The following CCAR1 variants were observed in gnomAD, a reference collection of about 807,000 sequenced individuals.
The protein encoded by CCAR1 is cell division cycle and apoptosis regulator protein 1.
In CCAR1, 78 loss-of-function variants were observed where a neutral mutation model predicts 163.8. The observed-to-expected ratio is 0.48, with a 90% CI of 0.40 to 0.57. CCAR1 has a LOEUF of 0.57. Ranked by LOEUF, CCAR1 falls within the 20% of genes least tolerant of loss-of-function variation. CCAR1 has a pLI of 0.00. For synonymous variants in CCAR1, 443 were observed against 460.7 expected (o/e 0.96, Z 0.49); for missense variants, 1,019 against 1,365.2 (o/e 0.75, Z 4.00).
chr10:68,788,327 A>C lies in CCAR1; in HGVS notation c.3186A>C (p.Thr1062=). Residue 1062 remains threonine (T), a splice_region_variant and synonymous_variant, in exon 23 of 25, where the codon ACA becomes ACC. Coordinates refer to ENST00000265872, the MANE Select transcript of CCAR1 (RefSeq NM_018237.4). ...EQKLQLLEEK[T]DEDEKTILNL... is the part of the protein sequence containing the mutation. The stretch of plus-strand genomic sequence containing the variant: ...AGCTGCAGTTACTAGAAGAAAAAAC[A>C]GGTAAGGGTCAGCTTTGAATATGTT... The C allele has an allele frequency of 6.4e-7, 1 of 1,556,542 alleles. No individual in the cohort carries two copies. Among genetic ancestry groups the C allele is most frequent in the South Asian group, 1.3e-5 (1 of 79,694 alleles).
In CCAR1 at chr10:68,756,172, C is replaced by A; in HGVS notation, c.1626-101C>A. 1 of 876,628 alleles carries A rather than the reference C, an allele frequency of 1.1e-6. No homozygotes were observed. The highest frequency in any genetic ancestry group is 1.8e-5 in the South Asian group (1 of 56,112). 54.3% of individuals were successfully genotyped at this position (876,628 alleles called of 1,614,324 possible). ...TTTTTCTTTAGACCAACCTCAAGTT[C>A]TTGCAGCAAAATTTCTTTACTTGAT... On this transcript the variant is annotated intron_variant, in intron 13 of 24. Coordinates refer to ENST00000265872, the MANE Select transcript of CCAR1 (RefSeq NM_018237.4). This position sits in a 1 kb window ranked among gnomAD's most constrained non-coding sequence, Gnocchi z 5.1.
chr10:68,768,172 A>G (rs1445589023), intron 17 of CCAR1, among the ~76,000 whole-genome samples: 2 of 152,238 alleles, frequency 1.3e-5, no homozygotes, highest in Non-Finnish European at 2.9e-5. Context: ...ATGAAACATA[A>G]AGTCCATGCT....
At position 68,791,434 on chromosome 10, in the gene CCAR1, C is replaced by T; in HGVS notation, c.*168C>T. ...TGTGAGTTTCTGCTTTTGAAAATTG[C>T]TTGTAATTCCTAGCCTTCAAATTAT... On this transcript the variant is annotated 3_prime_UTR_variant, in exon 25 of 25. Coordinates refer to ENST00000265872, the MANE Select transcript of CCAR1 (RefSeq NM_018237.4). 2.2e-6 allele frequency: 1 copy of T among 459,118 alleles called. No homozygotes were observed. The highest frequency in any genetic ancestry group is 3.9e-6 in the Non-Finnish European group (1 of 254,744). 28.4% of individuals were successfully genotyped at this position (459,118 alleles called of 1,614,324 possible).
chr10:68,735,852 A>G (rs1162965), intron 2 of CCAR1: 142,612 of 152,408 alleles, frequency 0.94, 66,829 homozygotes, highest in East Asian at 0.99. Flanking sequence ...GTTTTTGTCC[A>G]TTTTCCTTTT....
At chr10:68,748,264 G>C (rs2133348414) in intron 8 of CCAR1, among the ~76,000 whole-genome samples, 1 of 152,146 alleles carries the variant, frequency 6.6e-6, no homozygotes, top group South Asian at 2.1e-4. Context: ...CTGGGTCGTG[G>C]TGGCAGGCGC....
At chr10:68,731,792 T>C (rs2056043429) in intron 2 of CCAR1, among the ~76,000 whole-genome samples, 1 of 151,988 alleles carries the variant, frequency 6.6e-6, no homozygotes, top group African/African-American at 2.4e-5. Context: ...GGTTTCGCCA[T>C]GTTTGCCAGG....
In CCAR1 at chr10:68,722,588, T is replaced by A; in HGVS notation, c.73+11T>A. 7 of 1,593,896 alleles carry A rather than the reference T, an allele frequency of 4.4e-6. No individual in the cohort carries two copies. Among genetic ancestry groups the A allele is most frequent in the Non-Finnish European group, 5.2e-6 (6 of 1,161,736 alleles). ...CAGTATCACAGCCAGGTCAGGCTTCTAAATACATGTACTGTAATTGTTTGT... is the reference window on the plus strand; with the variant it reads ...CAGTATCACAGCCAGGTCAGGCTTCAAAATACATGTACTGTAATTGTTTGT... On this transcript the variant is annotated intron_variant, in intron 2 of 24. Coordinates refer to ENST00000265872, the MANE Select transcript of CCAR1 (RefSeq NM_018237.4).
intron 2 of CCAR1, among the ~76,000 whole-genome samples, chr10:68,733,829 A>G (rs1203012831): frequency 2.6e-5 from 4 of 151,920 alleles, no homozygotes; most frequent in Non-Finnish European, 5.9e-5. Context: ...ACACCTGGCT[A>G]ATTTTTATAT....
intron 21 of CCAR1, among the ~76,000 whole-genome samples, chr10:68,787,261 T>G (rs2056805616): frequency 6.8e-6 from 1 of 147,162 alleles, no homozygotes; most frequent in Admixed American, 6.8e-5. Context: ...TTTGACTGGC[T>G]TTTTTTTTTT....
At chr10:68,748,485 CTTTTTTTTTTTTT>C (rs768641201) in intron 8 of CCAR1, among the ~76,000 whole-genome samples, 1 of 117,828 alleles carries the variant, frequency 8.5e-6, no homozygotes, top group Non-Finnish European at 1.8e-5. Context: ...GTGACATGTT[CTTTTTTTTTTTTT>C]TTTTTTTTGA....
chr10:68,764,991 C>T (rs1022517136), intron 16 of CCAR1, among the ~76,000 whole-genome samples: 2 of 152,084 alleles, frequency 1.3e-5, no homozygotes, highest in African/African-American at 4.8e-5. Context: ...TTAGATTGTC[C>T]GAATTTTATA....
rs975192240 is a variant in CCAR1, at chr10:68,773,581, A to G, written c.2650+482A>G. Among the ~76,000 whole-genome samples the G allele has an allele frequency of 1.3e-4, 20 of 152,044 alleles. 2 individuals carry two copies. The highest frequency in any genetic ancestry group is 1.1e-3 in the Admixed American group (17 of 15,238). On this transcript the variant is annotated intron_variant, in intron 19 of 24. Transcript: ENST00000265872. ...CTCTGGAGGCTGAGGCAGGAGAATC[A>G]CTTGAGCATGGGAGGCGGAGGTTGT... is the stretch of plus-strand genomic sequence containing the variant.
At chr10:68,721,549 C>T (rs1173288587) in intron 1 of CCAR1, 1 of 448,528 alleles carries the variant, frequency 2.2e-6, no homozygotes, top group Admixed American at 2.4e-5. Flanking sequence ...GGCGACGCTG[C>T]AGTCCGCCGC....
At chr10:68,770,318 A>G (rs1298519666) in intron 17 of CCAR1, among the ~76,000 whole-genome samples, 1 of 152,236 alleles carries the variant, frequency 6.6e-6, no homozygotes, top group Admixed American at 6.5e-5. Flanking sequence ...CACTAGCTGG[A>G]TGATAGGAGG....
At chr10:68,738,018 A>G in intron 4 of CCAR1, 129 bp downstream of exon 4, 1 of 602,832 alleles carries the variant, frequency 1.7e-6, no homozygotes, top group East Asian at 3.1e-5. Flanking sequence ...GAGGGGCTAG[A>G]GTAAATAGGT....
At position 68,788,012 on chromosome 10, in the gene CCAR1, A is replaced by G. The variant is rs992968131; in HGVS notation, c.2966A>G (p.His989Arg). The change falls in exon 22 of 25, where the codon CAT (histidine) becomes CGT (arginine). Residue 989 changes from histidine to arginine, a missense_variant. Around this residue, in one of 4 missense-constraint regions of CCAR1, gnomAD observed 358 missense variants for 406.4 expected, o/e 0.88. Coordinates refer to ENST00000265872, the MANE Select transcript of CCAR1 (RefSeq NM_018237.4). ...LTDTSKDEEN[H>R]EESESLQEDM... ...GACACCTCAAAAGATGAAGAGAACC[A>G]TGAAGAGTCTGAGTCATTGCAGGAA... 7 of 1,612,506 alleles carry G rather than the reference A, an allele frequency of 4.3e-6. No homozygotes were observed. In the African/African-American group the frequency reaches 6.7e-5, roughly 15 times the overall value.
intron 16 of CCAR1, among the ~76,000 whole-genome samples, chr10:68,761,600 C>T (rs1249891076): frequency 1.3e-5 from 2 of 151,898 alleles, no homozygotes; most frequent in African/African-American, 2.4e-5. Context: ...CCACCGTGCC[C>T]AGCTATTTAT....
At chr10:68,752,903 G>GATAA (rs886677540) in intron 10 of CCAR1, among the ~76,000 whole-genome samples, 4 of 148,470 alleles carry the variant, frequency 2.7e-5, no homozygotes, top group Non-Finnish European at 6.0e-5. Context: ...TAGATAGATA[G>GATAA]ATAGATAGAT....
intron 2 of CCAR1, among the ~76,000 whole-genome samples, chr10:68,725,102 A>G (rs1185724200): frequency 3.9e-5 from 6 of 152,072 alleles, no homozygotes; most frequent in African/African-American, 1.4e-4. Flanking sequence ...AGATTGCGCC[A>G]TTGCGCTCTA....
Sources: gnomAD v4.1 joint callset for allele counts (sites outside exome capture counted in the v4.1 genomes callset) on GRCh38, gnomAD v4.1.1 for gene constraint, gnomAD v4.1.1 regional missense constraint, Gnocchi (gnomAD v3.1) non-coding constraint, MANE v1.5 for transcripts, NCBI Gene and HGNC (gene_info 2026-07-23, HGNC 2026-07-21) for gene names.